KYAT3: variants seen among roughly 807,000 people sequenced by gnomAD.
KYAT3 encodes kynurenine aminotransferase 3.
A neutral mutation model predicts 59.0 loss-of-function variants in KYAT3; 50 were observed. The observed-to-expected ratio is 0.85, with a 90% CI of 0.68 to 1.07. The LOEUF is 1.07. Among genes scored for constraint, KYAT3 ranks in the 50% least tolerant of loss-of-function variants. The pLI is 0.00. For synonymous variants in KYAT3, 148 were observed against 177.0 expected (o/e 0.84, Z 1.30); for missense variants, 497 against 533.3 (o/e 0.93, Z 0.67).
intron 9 of KYAT3, among the ~76,000 whole-genome samples, chr1:88,954,005 G>A (rs544514919): frequency 2.6e-5 from 4 of 151,738 alleles, no homozygotes; most frequent in Non-Finnish European, 5.9e-5. Flanking sequence ...AGGTACAGGT[G>A]ATTCTCCTGT....
chr1:88,947,060 C>G (rs1675470943), intron 11 of KYAT3, among the ~76,000 whole-genome samples: 3 of 152,166 alleles, frequency 2.0e-5, no homozygotes, highest in Non-Finnish European at 4.4e-5. Context: ...GTAGTTGATT[C>G]AGATATCTGC....
chr1:88,983,097 G>A (rs778755688), intron 2 of KYAT3: 13 of 1,612,342 alleles, frequency 8.1e-6, no homozygotes, highest in African/African-American at 1.3e-5. Context: ...CCATAATCAC[G>A]GTAAGTATAA....
downstream of KYAT3, among the ~76,000 whole-genome samples, chr1:88,933,720 T>C (rs11806868): frequency 0.2 from 29,916 of 152,164 alleles, 3,898 homozygotes; most frequent in African/African-American, 0.38. Flanking sequence ...ATTAGACAAG[T>C]CCAGGGCTGC....
At chr1:88,991,690 T>C (rs1677804059) in intron 1 of KYAT3, among the ~76,000 whole-genome samples, 1 of 152,242 alleles carries the variant, frequency 6.6e-6, no homozygotes, top group Admixed American at 6.5e-5. Flanking sequence ...AAAACTGTTC[T>C]ATGAAAATGG....
chr1:88,935,779 TA>T lies in KYAT3; in HGVS notation c.*403del. On this transcript the variant is annotated 3_prime_UTR_variant, in exon 14 of 14. Coordinates refer to ENST00000260508, the MANE Select transcript of KYAT3 (RefSeq NM_001008661.3). ...ACAATGGTGGAAACATGAAACCGGC[TA>T]AAGTCAGATGAGTGTTTATTGTTTG... 2.6e-6 allele frequency: 1 copy of T among 389,050 alleles called. No individual in the cohort carries two copies. The allele number at this position is 389,050 out of a possible 1,614,324, so 24.1% of individuals were successfully genotyped here. A position where few individuals can be genotyped will look rare whatever the true frequency, so the allele number is the denominator to read the frequency against.
intron 2 of KYAT3, among the ~76,000 whole-genome samples, chr1:88,975,205 C>A (rs1265793740): frequency 6.6e-6 from 1 of 152,212 alleles, no homozygotes; most frequent in African/African-American, 2.4e-5. Flanking sequence ...AGAGCTGTAA[C>A]ACTCACCACA....
Position 88,940,757 on chromosome 1 carries a change from C to A in KYAT3, c.1302+2248G>T, listed in dbSNP as rs187166615. Among the ~76,000 whole-genome samples the A allele has an allele frequency of 3.9e-5, 6 of 152,328 alleles. No individual in the cohort carries two copies. In the East Asian group the frequency reaches 7.7e-4, roughly 20 times the overall value. On this transcript the variant is annotated intron_variant, in intron 13 of 13. Coordinates refer to ENST00000260508, the MANE Select transcript of KYAT3 (RefSeq NM_001008661.3). Reference sequence around the variant, plus strand: ...AGACCAACCAGAGTCTCCTTTCCACCTTGCCTTACATAGTTTCCAGATGAC... The same window carrying A: ...AGACCAACCAGAGTCTCCTTTCCACATTGCCTTACATAGTTTCCAGATGAC...
At chr1:88,927,238 C>T in the KYAT3 span, among the ~76,000 whole-genome samples, 1 of 152,166 alleles carries the variant, frequency 6.6e-6, no homozygotes, top group Non-Finnish European at 1.5e-5. Flanking sequence ...CAAAAACGCC[C>T]CTAAGATGTA....
At chr1:88,958,416 T>C (rs1557689761) in intron 8 of KYAT3, among the ~76,000 whole-genome samples, 1 of 122,912 alleles carries the variant, frequency 8.1e-6, no homozygotes, top group Admixed American at 8.9e-5. Flanking sequence ...CTCTCATCTT[T>C]GTAAAAAAAA....
chr1:88,961,658 CA>C (rs1288871195), intron 6 of KYAT3, 152 bp from the exon 7 acceptor site: 19 of 664,736 alleles, frequency 2.9e-5, no homozygotes, highest in Non-Finnish European at 4.4e-5. Flanking sequence ...GCAGTAGGAA[CA>C]GAAAAAAAAC....
At chr1:88,925,479 A>G in the KYAT3 span, among the ~76,000 whole-genome samples, 2 of 152,166 alleles carry the variant, frequency 1.3e-5, no homozygotes, top group African/African-American at 4.8e-5. Context: ...AGGAAGCTCT[A>G]CGCTGTGTCC....
At chr1:88,959,925 G>C (rs1425129625) in intron 8 of KYAT3, among the ~76,000 whole-genome samples, 1 of 149,544 alleles carries the variant, frequency 6.7e-6, no homozygotes, top group South Asian at 2.1e-4. Flanking sequence ...AAAATTAGCC[G>C]GGTATGGTGG....
intron 2 of KYAT3, among the ~76,000 whole-genome samples, chr1:88,974,469 CTTTTTTT>C (rs71084932): frequency 1.1e-4 from 8 of 69,660 alleles, no homozygotes; most frequent in East Asian, 3.7e-4. Flanking sequence ...GTGTCTCTCT[CTTTTTTT>C]TTTTTTTTTT....
At chr1:88,943,947 A>G (rs1428868104) in intron 11 of KYAT3, among the ~76,000 whole-genome samples, 1 of 151,674 alleles carries the variant, frequency 6.6e-6, no homozygotes, top group Non-Finnish European at 1.5e-5. Flanking sequence ...ATAAATTAAT[A>G]TTATGCATTA....
chr1:88,973,716 T>C (rs1339732244), intron 2 of KYAT3, among the ~76,000 whole-genome samples: 1 of 152,178 alleles, frequency 6.6e-6, no homozygotes, highest in African/African-American at 2.4e-5. Flanking sequence ...GTTCTAGAAA[T>C]TCACCACCAG....
chr1:88,943,297 C>A, intron 12 of KYAT3, 53 bp downstream of exon 12: 1 of 1,184,082 alleles, frequency 8.4e-7, no homozygotes, highest in Non-Finnish European at 1.2e-6. Flanking sequence ...AGATTTCCTT[C>A]AAAAATTAAC....
At chr1:88,958,418 TAAA>T (rs34576826) in intron 8 of KYAT3, among the ~76,000 whole-genome samples, 2 of 138,966 alleles carry the variant, frequency 1.4e-5, no homozygotes. Flanking sequence ...CTCATCTTTG[TAAA>T]AAAAAAAAAA....
Position 88,936,061 on chromosome 1 carries a change from A to G in KYAT3, c.*122T>C, listed in dbSNP as rs534242318. On this transcript the variant is annotated 3_prime_UTR_variant, in exon 14 of 14. Transcript: ENST00000260508. The stretch of plus-strand genomic sequence containing the variant: ...GAGTTGGGTTAACTGCTTTGGAAAA[A>G]CAATGGAAATATTTAAATTCCAGTT... The G allele has an allele frequency of 3.7e-4, 251 of 686,282 alleles. No homozygotes were observed. Among genetic ancestry groups the G allele is most frequent in the Admixed American group, 6.1e-4 (22 of 35,802 alleles). The allele number at this position is 686,282 out of a possible 1,614,324, so 42.5% of individuals were successfully genotyped here.
chr1:88,969,516 A>G (rs761325919), intron 2 of KYAT3, 49 bp from the exon 3 acceptor site: 7 of 1,021,766 alleles, frequency 6.9e-6, no homozygotes, highest in Non-Finnish European at 1.1e-5. Context: ...AAAATTTTAA[A>G]AGCCAGTAAA....
Sources: allele counts gnomAD v4.1 joint callset (sites outside exome capture counted in the v4.1 genomes callset), GRCh38; gene constraint gnomAD v4.1.1; transcripts MANE v1.5; gene names NCBI Gene and HGNC (gene_info 2026-07-23, HGNC 2026-07-21).